The following STK33 variants were observed in gnomAD, a reference collection of about 807,000 sequenced individuals.
STK33 encodes serine/threonine kinase 33.
Under a neutral mutation model 58.0 loss-of-function variants are expected in STK33, and 52 were observed. That is an observed-to-expected ratio of 0.90 (90% CI 0.72 to 1.13). The LOEUF is 1.13. Ranked by LOEUF, STK33 falls within the 50% of genes most tolerant of loss-of-function variation. STK33 has a pLI of 0.00. For synonymous variants in STK33, 215 were observed against 200.1 expected, an observed-to-expected ratio of 1.07 and a Z score of -0.63; for missense variants, 630 against 604.2, an observed-to-expected ratio of 1.04 and a Z score of -0.45.
At chr11:8,522,811 T>C (rs1953600523) in intron 1 of STK33, among the ~76,000 whole-genome samples, 1 of 151,976 alleles carries the variant, frequency 6.6e-6, no homozygotes, top group South Asian at 2.1e-4. Flanking sequence ...CTCCCTCGTC[T>C]CCCCTTTCCA....
At chr11:8,408,681 A>T (rs1034199930) in intron 15 of STK33, among the ~76,000 whole-genome samples, 1 of 152,216 alleles carries the variant, frequency 6.6e-6, no homozygotes, top group South Asian at 2.1e-4. Flanking sequence ...CCCAGGTTCA[A>T]TGAGTCACTG....
At chr11:8,500,600 A>G (rs10840062) in intron 1 of STK33, among the ~76,000 whole-genome samples, 1 of 151,992 alleles carries the variant, frequency 6.6e-6, no homozygotes, top group Non-Finnish European at 1.5e-5. Context: ...TATTGGAAGA[A>G]TCAATACTCC....
Position 8,424,836 on chromosome 11 carries a change from GT to G in STK33, c.1146+10657del, listed in dbSNP as rs902406156. On this transcript the variant is annotated intron_variant, in intron 14 of 15. Transcript: ENST00000687296. ...CCTTTGCCCACTTTTTGATGGGGTT[GT>G]TTTTTTCTTGTAAATTTGTTTGAGT... 2.4e-5 allele frequency among the ~76,000 whole-genome samples: 3 copies of G among 125,120 alleles called. 1 individual carries two copies. Among genetic ancestry groups the G allele is most frequent in the Admixed American group, 7.7e-5 (1 of 12,954 alleles). The allele number at this position is 125,120 out of a possible 152,430, so 82.1% of individuals were successfully genotyped here.
chr11:8,444,945 A>T (rs988242721), intron 11 of STK33, among the ~76,000 whole-genome samples: 3 of 152,176 alleles, frequency 2.0e-5, no homozygotes, highest in Non-Finnish European at 4.4e-5. Flanking sequence ...TGGTAGCTTG[A>T]TGGGGATAGC....
intron 1 of STK33, among the ~76,000 whole-genome samples, chr11:8,578,311 CT>C (rs1958326208): frequency 6.6e-6 from 1 of 151,992 alleles, no homozygotes; most frequent in Non-Finnish European, 1.5e-5. Flanking sequence ...TTAAAAGTTA[CT>C]TTTTACAGCA....
At chr11:8,487,701 TAAG>T (rs1831327042) in intron 1 of STK33, among the ~76,000 whole-genome samples, 1 of 152,058 alleles carries the variant, frequency 6.6e-6, no homozygotes, top group African/African-American at 2.4e-5. Flanking sequence ...AATTTTCAAA[TAAG>T]ATGAAGACTA....
At chr11:8,473,382 T>C in intron 5 of STK33, 106 bp from the exon 6 acceptor site, 1 of 679,430 alleles carries the variant, frequency 1.5e-6, no homozygotes, top group Non-Finnish European at 2.5e-6. Context: ...ACGTGTGCCA[T>C]GTTTACTATG....
chr11:8,368,812 C>T, the STK33 span, among the ~76,000 whole-genome samples: 2 of 152,224 alleles, frequency 1.3e-5, no homozygotes, highest in Admixed American at 1.3e-4. Context: ...AGGGCCCCAA[C>T]CACCTTAAGA....
intron 9 of STK33, 41 bp from the exon 10 acceptor site, chr11:8,454,873 T>A (rs758748413): frequency 6.7e-7 from 1 of 1,486,868 alleles, no homozygotes; most frequent in Admixed American, 2.4e-5. Context: ...AAATGAATAA[T>A]GGAAAAATAG....
intron 1 of STK33, among the ~76,000 whole-genome samples, chr11:8,482,995 T>G (rs1203234358): frequency 6.6e-6 from 1 of 152,110 alleles, no homozygotes; most frequent in Non-Finnish European, 1.5e-5. Flanking sequence ...CCTCCCAAAG[T>G]GCTGGGATTA....
chr11:8,427,620 T>G (rs1347809758), intron 14 of STK33, among the ~76,000 whole-genome samples: 1 of 152,144 alleles, frequency 6.6e-6, no homozygotes, highest in Non-Finnish European at 1.5e-5. Context: ...CCATATATCT[T>G]TTCTTTTATA....
chr11:8,460,459 T>G (rs1034981908), intron 8 of STK33, among the ~76,000 whole-genome samples: 3 of 151,954 alleles, frequency 2.0e-5, no homozygotes, highest in African/African-American at 7.2e-5. Flanking sequence ...ACAGAGAGAT[T>G]ACTGAATTTG....
the STK33 span, among the ~76,000 whole-genome samples, chr11:8,386,245 G>A: frequency 1.3e-5 from 2 of 152,166 alleles, no homozygotes; most frequent in African/African-American, 4.8e-5. Context: ...GATTTCACAC[G>A]GGCTGGGCTA....
At chr11:8,508,729 A>C (rs1952067463) in intron 1 of STK33, among the ~76,000 whole-genome samples, 1 of 152,206 alleles carries the variant, frequency 6.6e-6, no homozygotes, top group Admixed American at 6.5e-5. Flanking sequence ...TGAGGAATTA[A>C]CTTTAACACA....
chr11:8,519,271 T>C (rs1316741146), intron 1 of STK33, among the ~76,000 whole-genome samples: 3 of 152,006 alleles, frequency 2.0e-5, no homozygotes, highest in Non-Finnish European at 4.4e-5. Flanking sequence ...AAGGCAGAAA[T>C]AAAGATGTTC....
chr11:8,510,352 G>GT (rs1281332773), intron 1 of STK33, among the ~76,000 whole-genome samples: 1 of 151,894 alleles, frequency 6.6e-6, no homozygotes, highest in Non-Finnish European at 1.5e-5. Flanking sequence ...GGGATTATTT[G>GT]TTTTTTTCTT....
chr11:8,508,611 A>G (rs976658047), intron 1 of STK33, among the ~76,000 whole-genome samples: 5 of 151,030 alleles, frequency 3.3e-5, no homozygotes, highest in African/African-American at 1.2e-4. Context: ...CTTTTAAAAA[A>G]CTCTTGTCAC....
chr11:8,387,986 C>G (rs890462853), downstream of STK33, among the ~76,000 whole-genome samples: 2 of 152,158 alleles, frequency 1.3e-5, no homozygotes, highest in Non-Finnish European at 2.9e-5. Flanking sequence ...GTATCAATGC[C>G]CTGGTTATGG....
chr11:8,576,603 A>G (rs1462788651), intron 1 of STK33, among the ~76,000 whole-genome samples: 1 of 152,018 alleles, frequency 6.6e-6, no homozygotes, highest in African/African-American at 2.4e-5. Flanking sequence ...AACATTTATT[A>G]AATACCTTTT....
Sources: allele counts gnomAD v4.1 joint callset (sites outside exome capture counted in the v4.1 genomes callset), GRCh38; gene constraint gnomAD v4.1.1; transcripts MANE v1.5; gene names NCBI Gene and HGNC (gene_info 2026-07-23, HGNC 2026-07-21).